The following GPSM2 variants were observed in gnomAD, a reference collection of about 807,000 sequenced individuals.
GPSM2 encodes the protein G protein-signaling modulator 2.
A neutral mutation model predicts 78.4 loss-of-function variants in GPSM2; 58 were observed. That is an observed-to-expected ratio of 0.74 (90% CI 0.60 to 0.92). The LOEUF (loss-of-function observed/expected upper bound fraction) is 0.92. Ranked by LOEUF, GPSM2 falls within the 40% of genes least tolerant of loss-of-function variation. The pLI is 0.00. For missense variants in GPSM2, 700 were observed against 815.5 expected (o/e 0.86, Z 1.73); for synonymous variants, 224 against 280.2 (o/e 0.80, Z 2.00).
chr1:108,893,114 G>A (rs927384484), intron 2 of GPSM2, among the ~76,000 whole-genome samples: 1 of 152,162 alleles, frequency 6.6e-6, no homozygotes, highest in African/African-American at 2.4e-5. Flanking sequence ...TAAGTTTTGT[G>A]GGATGCCACA....
Position 108,933,449 on chromosome 1 carries a change from T to G in GPSM2, c.*3509T>G, listed in dbSNP as rs1193467389. 2.0e-5 allele frequency: 3 copies of G among 149,652 alleles called. No individual in the cohort carries two copies. Among genetic ancestry groups the G allele is most frequent in the Non-Finnish European group, 4.4e-5 (3 of 67,622 alleles). The allele number at this position is 149,652 out of a possible 1,614,324, so 9.3% of individuals were successfully genotyped here. The stretch of plus-strand genomic sequence containing the variant: ...TGAGCCACTGCACCTGGCCTAAAAT[T>G]ACATTGTTACAGGCACGTAAGTAAC... On this transcript the variant is annotated 3_prime_UTR_variant, in exon 15 of 15. Transcript: ENST00000264126.
chr1:108,921,416 CAA>C (rs11312751), intron 12 of GPSM2, among the ~76,000 whole-genome samples: 2,962 of 147,196 alleles, frequency 0.02, 57 homozygotes, highest in African/African-American at 0.044. Context: ...CGAGACTCCT[CAA>C]AAAAAAAAAA....
intron 11 of GPSM2, 100 bp downstream of exon 11, chr1:108,914,508 T>C: frequency 1.2e-6 from 1 of 851,140 alleles, no homozygotes. Context: ...TTGCCCTATA[T>C]AGGTATCACT....
intron 2 of GPSM2, 137 bp from the exon 3 acceptor site, chr1:108,896,727 G>C (rs1648393686): frequency 1.3e-6 from 1 of 750,972 alleles, no homozygotes; most frequent in Non-Finnish European, 2.4e-6. Context: ...GTTTTATCAG[G>C]AATGTATATA....
At chr1:108,929,341 G>A (rs1278312920) in intron 14 of GPSM2, among the ~76,000 whole-genome samples, 1 of 152,158 alleles carries the variant, frequency 6.6e-6, no homozygotes, top group African/African-American at 2.4e-5. Flanking sequence ...GTTGATGCCT[G>A]TTAGATTATA....
chr1:108,898,249 T>TA (rs1648527752), intron 5 of GPSM2, 148 bp downstream of exon 5: 1 of 786,850 alleles, frequency 1.3e-6, no homozygotes. Context: ...GCTTAAATGT[T>TA]ACAGTGTTAT....
chr1:108,890,926 A>G (rs986138146), intron 2 of GPSM2, among the ~76,000 whole-genome samples: 3 of 152,226 alleles, frequency 2.0e-5, no homozygotes, highest in Non-Finnish European at 2.9e-5. Flanking sequence ...TTAATTTTTT[A>G]TGTGTGATAA....
chr1:108,904,353 A>G (rs1649064129), intron 10 of GPSM2, 99 bp downstream of exon 10: 1 of 675,568 alleles, frequency 1.5e-6, no homozygotes, highest in Admixed American at 2.3e-5. Flanking sequence ...AATATATAAC[A>G]TGGGAAGTTC....
chr1:108,922,623 A>G (rs1225991302), intron 13 of GPSM2, 47 bp downstream of exon 13: 5 of 1,431,158 alleles, frequency 3.5e-6, no homozygotes, highest in Non-Finnish European at 4.9e-6. Context: ...TCTCTTTGAT[A>G]TTCTTGTGGC....
chr1:108,893,793 G>A (rs1440038610), intron 2 of GPSM2, among the ~76,000 whole-genome samples: 7 of 152,032 alleles, frequency 4.6e-5, no homozygotes, highest in African/African-American at 1.7e-4. Flanking sequence ...AGTGGCTCAC[G>A]CCTGTAATCC....
chr1:108,897,172 C>T, intron 3 of GPSM2, 87 bp downstream of exon 3: 1 of 992,278 alleles, frequency 1.0e-6, no homozygotes, highest in Non-Finnish European at 1.6e-6. Flanking sequence ...CAAAAACTAA[C>T]TTAATACATT....
chr1:108,929,208 G>A (rs1481845363), intron 14 of GPSM2, among the ~76,000 whole-genome samples: 1 of 152,098 alleles, frequency 6.6e-6, no homozygotes, highest in African/African-American at 2.4e-5. Context: ...AAATGAAAAT[G>A]ACTTCATTTA....
intron 7 of GPSM2, among the ~76,000 whole-genome samples, chr1:108,901,177 T>C (rs1276200710): frequency 6.6e-6 from 1 of 152,214 alleles, no homozygotes; most frequent in African/African-American, 2.4e-5. Context: ...TTGGCAAAGT[T>C]GGGATTTAAA....
intron 11 of GPSM2, among the ~76,000 whole-genome samples, chr1:108,916,643 A>G (rs1650249723): frequency 1.3e-5 from 2 of 152,334 alleles, no homozygotes; most frequent in Admixed American, 1.3e-4. Context: ...TCTTCTGCCT[A>G]CCTATGTAGT....
chr1:108,923,363 G>C (rs1650879404), intron 13 of GPSM2, among the ~76,000 whole-genome samples: 1 of 151,796 alleles, frequency 6.6e-6, no homozygotes, highest in African/African-American at 2.4e-5. Flanking sequence ...TAAAAATGAG[G>C]AAGAAAGGTC....
intron 1 of GPSM2, among the ~76,000 whole-genome samples, chr1:108,881,455 A>G (rs1665898168): frequency 6.6e-6 from 1 of 152,368 alleles, no homozygotes; most frequent in East Asian, 1.9e-4. Flanking sequence ...TACTAGTCTT[A>G]CACTATATAC....
At chr1:108,923,054 G>A (rs909167001) in intron 13 of GPSM2, among the ~76,000 whole-genome samples, 7 of 152,110 alleles carry the variant, frequency 4.6e-5, no homozygotes, top group African/African-American at 9.7e-5. Flanking sequence ...TATTTGAGAC[G>A]AGATCTTGCT....
At chr1:108,920,923 G>C (rs1430896765) in intron 12 of GPSM2, among the ~76,000 whole-genome samples, 3 of 151,950 alleles carry the variant, frequency 2.0e-5, no homozygotes, top group Non-Finnish European at 4.4e-5. Context: ...GTCTTTTGTT[G>C]GTAATTAACA....
intron 14 of GPSM2, among the ~76,000 whole-genome samples, chr1:108,927,403 C>A (rs901879158): frequency 2.0e-5 from 3 of 152,132 alleles, no homozygotes; most frequent in Non-Finnish European, 4.4e-5. Flanking sequence ...TACAAAGCTA[C>A]ATTAATCAAA....
Sources: allele counts gnomAD v4.1 joint callset (sites outside exome capture counted in the v4.1 genomes callset), GRCh38; gene constraint gnomAD v4.1.1; transcripts MANE v1.5; gene names NCBI Gene and HGNC (gene_info 2026-07-23, HGNC 2026-07-21).